RXFP1: variants seen among roughly 807,000 people sequenced by gnomAD.
RXFP1 encodes the protein relaxin receptor 1.
RXFP1 carries 73 observed loss-of-function variants against 89.8 expected under a neutral mutation model. That is an observed-to-expected ratio of 0.81 (90% CI 0.67 to 0.99). The LOEUF (loss-of-function observed/expected upper bound fraction) is 0.99, where lower values mean the gene tolerates loss of function less well. RXFP1 is among the 50% of genes least tolerant of loss of function. The pLI is 0.00. For synonymous variants in RXFP1, 277 were observed against 305.5 expected, an observed-to-expected ratio of 0.91 and a Z score of 0.97; for missense variants, 793 against 895.5, an observed-to-expected ratio of 0.89 and a Z score of 1.46.
At chr4:158,559,873 T>C (rs1483937397) in intron 1 of RXFP1, among the ~76,000 whole-genome samples, 2 of 152,208 alleles carry the variant, frequency 1.3e-5, no homozygotes, top group Admixed American at 1.3e-4. Context: ...TAACCTTAGG[T>C]CAGAGAAACA....
chr4:158,631,437 A>G (rs1768002615), intron 11 of RXFP1, among the ~76,000 whole-genome samples: 1 of 152,224 alleles, frequency 6.6e-6, no homozygotes, highest in African/African-American at 2.4e-5. Flanking sequence ...AGATGAATAG[A>G]TATCGTTCTT....
At chr4:158,571,096 A>G (rs1367736569) in intron 1 of RXFP1, among the ~76,000 whole-genome samples, 2 of 152,074 alleles carry the variant, frequency 1.3e-5, no homozygotes, top group African/African-American at 4.8e-5. Context: ...GTTATTTTCC[A>G]TTACATCACC....
chr4:158,541,350 GCA>G (rs58856633), intron 1 of RXFP1, among the ~76,000 whole-genome samples: 29 of 139,880 alleles, frequency 2.1e-4, no homozygotes, highest in East Asian at 8.3e-4. Context: ...AGAGCTTCAT[GCA>G]CACACACACA....
intron 3 of RXFP1, among the ~76,000 whole-genome samples, chr4:158,599,080 T>C (rs1761180078): frequency 6.6e-6 from 1 of 151,320 alleles, no homozygotes; most frequent in African/African-American, 2.4e-5. Context: ...AACAGTCTGC[T>C]TTTTTTAAAA....
intron 9 of RXFP1, among the ~76,000 whole-genome samples, chr4:158,625,771 T>C (rs954822390): frequency 6.6e-6 from 1 of 152,252 alleles, no homozygotes; most frequent in African/African-American, 2.4e-5. Flanking sequence ...ATCACACTTC[T>C]GCTCACATGT....
intron 1 of RXFP1, among the ~76,000 whole-genome samples, chr4:158,541,898 C>A (rs986002441): frequency 1.3e-5 from 2 of 150,930 alleles, no homozygotes; most frequent in Non-Finnish European, 3.0e-5. Context: ...GCGGGGTGGC[C>A]GGGAGGAATG....
At chr4:158,623,052 G>A (rs1561149430) in intron 9 of RXFP1, among the ~76,000 whole-genome samples, 1 of 151,996 alleles carries the variant, frequency 6.6e-6, no homozygotes, top group Admixed American at 6.6e-5. Context: ...GTGGAATTCT[G>A]GCCAATGTGC....
At position 158,522,086 on chromosome 4, in the gene RXFP1, C is replaced by T. The variant is rs188069226; in HGVS notation, c.49+61C>T. 61 of 917,006 alleles carry T rather than the reference C, an allele frequency of 6.7e-5. 1 individual carries two copies. Among genetic ancestry groups the T allele is most frequent in the East Asian group, 6.5e-4 (26 of 40,304 alleles). 56.8% of individuals were successfully genotyped at this position (917,006 alleles called of 1,614,324 possible). On this transcript the variant is annotated intron_variant, in intron 1 of 17. Transcript: ENST00000307765. ...GTATTTTGTGGAATAACCACAAGCA[C>T]AAATGTTTACTCCTTATATTTATGC... is the stretch of plus-strand genomic sequence containing the variant.
intron 2 of RXFP1, among the ~76,000 whole-genome samples, chr4:158,582,985 T>A (rs749090857): frequency 6.6e-6 from 1 of 152,206 alleles, no homozygotes; most frequent in African/African-American, 2.4e-5. Flanking sequence ...TACCTTATTA[T>A]CTGTAAACTT....
chr4:158,608,886 A>G (rs1319278744), intron 6 of RXFP1, among the ~76,000 whole-genome samples: 1 of 152,246 alleles, frequency 6.6e-6, no homozygotes, highest in Non-Finnish European at 1.5e-5. Context: ...GGAGAATCAT[A>G]AAATATGTAG....
intron 1 of RXFP1, among the ~76,000 whole-genome samples, chr4:158,523,746 A>G (rs1741757635): frequency 6.6e-6 from 1 of 152,220 alleles, no homozygotes; most frequent in African/African-American, 2.4e-5. Context: ...AATAGCACCC[A>G]CAGCCGTGGC....
At chr4:158,604,665 C>T (rs1337417599) in intron 4 of RXFP1, among the ~76,000 whole-genome samples, 3 of 152,008 alleles carry the variant, frequency 2.0e-5, no homozygotes, top group Non-Finnish European at 4.4e-5. Context: ...GGAATGTGAG[C>T]AATGAAATAT....
chr4:158,596,041 G>A (rs1760517761), intron 3 of RXFP1, among the ~76,000 whole-genome samples: 1 of 151,324 alleles, frequency 6.6e-6, no homozygotes. Context: ...CCAGGAGATT[G>A]AAGCTGCAGT....
At chr4:158,631,545 T>A (rs1415647443) in intron 11 of RXFP1, among the ~76,000 whole-genome samples, 2 of 152,058 alleles carry the variant, frequency 1.3e-5, no homozygotes, top group Non-Finnish European at 1.5e-5. Context: ...TGTGCTATAC[T>A]AGAAGTGTGC....
intron 1 of RXFP1, among the ~76,000 whole-genome samples, chr4:158,552,907 AG>A (rs1750474297): frequency 6.6e-6 from 1 of 152,220 alleles, no homozygotes; most frequent in Non-Finnish European, 1.5e-5. Flanking sequence ...TCAGATGGCT[AG>A]GTGCTATGGC....
intron 2 of RXFP1, among the ~76,000 whole-genome samples, chr4:158,576,755 G>T (rs1554005872): frequency 6.7e-6 from 1 of 149,848 alleles, no homozygotes; most frequent in Non-Finnish European, 1.5e-5. Flanking sequence ...TCTAGAAATA[G>T]AAAAAAAAAA....
chr4:158,593,545 C>A, intron 3 of RXFP1, 46 bp downstream of exon 3: 2 of 1,019,024 alleles, frequency 2.0e-6, no homozygotes, highest in Non-Finnish European at 2.9e-6. Context: ...GTTCATAAGA[C>A]ACCATTTTTA....
intron 1 of RXFP1, among the ~76,000 whole-genome samples, chr4:158,547,250 G>A (rs1196645706): frequency 6.6e-6 from 1 of 152,114 alleles, no homozygotes; most frequent in Non-Finnish European, 1.5e-5. Context: ...GGTGTTTGTA[G>A]TATTCTCTGA....
chr4:158,589,219 ATC>A, intron 2 of RXFP1, among the ~76,000 whole-genome samples: 1 of 152,262 alleles, frequency 6.6e-6, no homozygotes, highest in East Asian at 1.9e-4. Flanking sequence ...TGATTCAATT[ATC>A]TCCACCTGGT....
Sources: gnomAD v4.1 joint callset for allele counts (sites outside exome capture counted in the v4.1 genomes callset) on GRCh38, gnomAD v4.1.1 for gene constraint, MANE v1.5 for transcripts, NCBI Gene and HGNC (gene_info 2026-07-23, HGNC 2026-07-21) for gene names.